The following NPAS3 variants were observed in gnomAD, a reference collection of about 807,000 sequenced individuals.
NPAS3 encodes the protein neuronal PAS domain-containing protein 3.
NPAS3 carries 14 observed loss-of-function variants against 73.1 expected under a neutral mutation model. The observed-to-expected ratio is 0.19, with a 90% confidence interval of 0.13 to 0.30. The LOEUF is 0.30. Ranked by LOEUF, NPAS3 falls within the 10% of genes least tolerant of loss-of-function variation. The probability of loss-of-function intolerance (pLI) is 1.00; values close to 1 mark genes in which losing one functional copy is unlikely to be tolerated. For missense variants in NPAS3, 1,096 were observed against 1,250.0 expected (o/e 0.88, Z 1.86); for synonymous variants, 620 against 541.5 (o/e 1.14, Z -2.01).
intron 4 of NPAS3, among the ~76,000 whole-genome samples, chr14:33,373,205 C>G (rs1194138924): frequency 6.6e-6 from 1 of 152,034 alleles, no homozygotes; most frequent in East Asian, 1.9e-4. Flanking sequence ...GTTTAAGTTT[C>G]TTTCATTTTC....
At chr14:33,663,944 G>A (rs1369016873) in intron 5 of NPAS3, among the ~76,000 whole-genome samples, 2 of 150,800 alleles carry the variant, frequency 1.3e-5, no homozygotes, top group Non-Finnish European at 2.9e-5. Flanking sequence ...CTCTTTATCA[G>A]TCTGGCTAGT....
At chr14:33,249,454 G>C (rs1255287207) in intron 3 of NPAS3, among the ~76,000 whole-genome samples, 1 of 151,146 alleles carries the variant, frequency 6.6e-6, no homozygotes, top group Admixed American at 6.6e-5. Context: ...TTATTCATTA[G>C]AATTATGTGC....
intron 1 of NPAS3, among the ~76,000 whole-genome samples, chr14:33,016,053 T>A (rs2039379839): frequency 6.6e-6 from 1 of 151,812 alleles, no homozygotes; most frequent in Admixed American, 6.6e-5. Flanking sequence ...GGGAATTTCA[T>A]CTCTACTGAT....
At chr14:33,491,522 G>T (rs1191911723) in intron 4 of NPAS3, among the ~76,000 whole-genome samples, 1 of 152,144 alleles carries the variant, frequency 6.6e-6, no homozygotes, top group Non-Finnish European at 1.5e-5. Context: ...TCATGCAACT[G>T]AGGAGCTGAA....
intron 4 of NPAS3, among the ~76,000 whole-genome samples, chr14:33,504,810 A>G (rs557824519): frequency 1.3e-5 from 2 of 152,144 alleles, no homozygotes; most frequent in Admixed American, 6.5e-5. Context: ...GGCAATTACA[A>G]TTACTGCTAT....
chr14:33,780,720 C>T (rs2062953729), intron 9 of NPAS3: 1 of 425,788 alleles, frequency 2.3e-6, no homozygotes, highest in East Asian at 7.2e-5. Flanking sequence ...ATGTTTGATG[C>T]CTTTCTTTCC....
chr14:33,267,901 G>A (rs575776493), intron 3 of NPAS3, among the ~76,000 whole-genome samples: 29 of 152,124 alleles, frequency 1.9e-4, no homozygotes, highest in South Asian at 4.1e-4. Context: ...AGAGCCAGTC[G>A]TACTCACTCT....
At chr14:33,709,808 C>T (rs2060765864) in intron 6 of NPAS3, among the ~76,000 whole-genome samples, 1 of 152,156 alleles carries the variant, frequency 6.6e-6, no homozygotes, top group Admixed American at 6.5e-5. Flanking sequence ...GAAAATAAGC[C>T]TGCCCTTCCT....
chr14:33,765,537 GGAGCGTGCACAGGAAATATGCCCTGATCC>G (rs537274189), intron 7 of NPAS3, among the ~76,000 whole-genome samples: 1 of 152,252 alleles, frequency 6.6e-6, no homozygotes, highest in East Asian at 1.9e-4. Context: ...CAGAGATAAA[GGAGCGTGCACAGGAAATATGCCCTGATCC>G]CACATCAGCC....
At chr14:33,668,563 C>T (rs1369892243) in intron 5 of NPAS3, among the ~76,000 whole-genome samples, 3 of 152,176 alleles carry the variant, frequency 2.0e-5, no homozygotes, top group African/African-American at 7.2e-5. Context: ...TGCCTGTAAT[C>T]CCAGCACTTT....
At chr14:33,064,210 CA>C (rs889887935) in intron 2 of NPAS3, among the ~76,000 whole-genome samples, 11 of 151,724 alleles carry the variant, frequency 7.3e-5, no homozygotes, top group Non-Finnish European at 1.3e-4. Flanking sequence ...TACATATTAT[CA>C]AAAAAACTTA....
chr14:33,656,304 CTTA>C (rs1191162315), intron 5 of NPAS3, among the ~76,000 whole-genome samples: 1 of 151,630 alleles, frequency 6.6e-6, no homozygotes, highest in Admixed American at 6.6e-5. Context: ...TGTTGTTGTT[CTTA>C]TTATTACAGC....
At chr14:33,141,163 G>A (rs567572415) in intron 2 of NPAS3, among the ~76,000 whole-genome samples, 1 of 152,350 alleles carries the variant, frequency 6.6e-6, no homozygotes, top group South Asian at 2.1e-4. Flanking sequence ...ACATGCCAAT[G>A]AATTGCGAGA....
At chr14:33,712,864 C>T (rs1166273488) in intron 6 of NPAS3, among the ~76,000 whole-genome samples, 1 of 152,174 alleles carries the variant, frequency 6.6e-6, no homozygotes, top group African/African-American at 2.4e-5. Flanking sequence ...AAAGGAAATG[C>T]TCCGAAAGCT....
chr14:33,320,507 G>T (rs1425164842), intron 3 of NPAS3, among the ~76,000 whole-genome samples: 1 of 152,110 alleles, frequency 6.6e-6, no homozygotes, highest in Admixed American at 6.6e-5. Flanking sequence ...AATACAGACT[G>T]GTTGAACAGT....
intron 9 of NPAS3, among the ~76,000 whole-genome samples, chr14:33,790,231 G>A (rs1300338379): frequency 6.6e-6 from 1 of 152,120 alleles, no homozygotes; most frequent in African/African-American, 2.4e-5. Flanking sequence ...TTCATATCAA[G>A]TAACTCACGT....
Position 33,800,428 on chromosome 14 carries a change from G to A in NPAS3, c.2121G>A (p.Leu707=), listed in dbSNP as rs1158910083. The A allele has an allele frequency of 1.3e-6, 2 of 1,588,296 alleles. No individual in the cohort carries two copies. Residue 707 remains leucine (L), a synonymous_variant, in exon 12 of 12, where the codon CTG becomes CTA. Coordinates refer to ENST00000356141, the Ensembl canonical transcript of NPAS3. The surrounding 1 kb of genome is among the most constrained non-coding windows in gnomAD (Gnocchi z 6.5). ...GTGGGGGTGGCGGTGGCGGGGGGCTGCACGTGGCCATTCCCGACTCGGTCC... is the reference window on the plus strand; with the variant it reads ...GTGGGGGTGGCGGTGGCGGGGGGCTACACGTGGCCATTCCCGACTCGGTCC...
At chr14:33,606,817 G>C (rs1038751282) in intron 5 of NPAS3, among the ~76,000 whole-genome samples, 5 of 152,080 alleles carry the variant, frequency 3.3e-5, no homozygotes, top group African/African-American at 1.2e-4. Context: ...AGACAGGAAG[G>C]AAACATTTGT....
At chr14:33,578,371 T>C (rs1460253556) in intron 5 of NPAS3, 1 of 366,424 alleles carries the variant, frequency 2.7e-6, no homozygotes, top group African/African-American at 2.2e-5. Context: ...TTTTTTGTAT[T>C]TTTAGTAGAG....
Sources: gnomAD v4.1 joint callset for allele counts (sites outside exome capture counted in the v4.1 genomes callset) on GRCh38, gnomAD v4.1.1 for gene constraint, Gnocchi (gnomAD v3.1) non-coding constraint, MANE v1.5 for transcripts, NCBI Gene and HGNC (gene_info 2026-07-23, HGNC 2026-07-21) for gene names.